AP4M1: variants seen among roughly 807,000 people sequenced by gnomAD.
The protein encoded by AP4M1 is AP-4 complex subunit mu-1.
In AP4M1, 58 loss-of-function variants were observed where a neutral mutation model predicts 62.4. That is an observed-to-expected ratio of 0.93 (90% CI 0.75 to 1.16). The LOEUF (loss-of-function observed/expected upper bound fraction) is 1.16, where lower values mean the gene tolerates loss of function less well. Ranked by LOEUF, AP4M1 falls within the 50% of genes most tolerant of loss-of-function variation. The pLI, the probability that AP4M1 is intolerant of heterozygous loss-of-function variation, is 0.00. For missense variants in AP4M1, 626 were observed against 585.4 expected, an observed-to-expected ratio of 1.07 and a Z score of -0.72; for synonymous variants, 290 against 239.7, an observed-to-expected ratio of 1.21 and a Z score of -1.94.
At chr7:100,101,614 C>G (rs2116611951), upstream of AP4M1, 1 of 1,253,360 alleles carries the variant, frequency 8.0e-7, no homozygotes, top group Non-Finnish European at 1.2e-6. Flanking sequence ...GGAGGAGAAT[C>G]GCTCTTAAAG....
At chr7:100,101,418 A>G (rs1297739408), upstream of AP4M1, 1 of 1,349,974 alleles carries the variant, frequency 7.4e-7, no homozygotes, top group African/African-American at 1.4e-5. Context: ...GTCGCCCCCC[A>G]CGTGACCGGC....
chr7:100,107,904 CCT>C lies in AP4M1; in HGVS notation c.*1023_*1024del. ...GGTAACCCAGGCCCTCCAGATGCTCCCTGTCCCACAGCTCTGCATACCTGCTG... is the reference window on the plus strand; with the variant it reads ...GGTAACCCAGGCCCTCCAGATGCTCCGTCCCACAGCTCTGCATACCTGCTG... On this transcript the variant is annotated 3_prime_UTR_variant, in exon 15 of 15. Coordinates refer to ENST00000359593, the MANE Select transcript of AP4M1 (RefSeq NM_004722.4). 5 of 1,585,514 alleles carry C rather than the reference CCT, an allele frequency of 3.2e-6. No homozygotes were observed. Among genetic ancestry groups the C allele is most frequent in the Non-Finnish European group, 4.3e-6 (5 of 1,162,962 alleles).
intron 11 of AP4M1, 129 bp from the exon 12 acceptor site, chr7:100,105,830 G>A: frequency 1.7e-6 from 2 of 1,155,806 alleles, no homozygotes; most frequent in Non-Finnish European, 2.6e-6. Flanking sequence ...GTTGGGCTGG[G>A]CTTCAGCCCT....
In AP4M1 at chr7:100,102,453, C is replaced by A. The variant is rs1163707220; in HGVS notation, c.148-222C>A. 3 of 610,208 alleles carry A rather than the reference C, an allele frequency of 4.9e-6. No homozygotes were observed. In the African/African-American group the frequency reaches 5.5e-5, roughly 11 times the overall value. 37.8% of individuals were successfully genotyped at this position (610,208 alleles called of 1,614,324 possible). A position where few individuals can be genotyped will look rare whatever the true frequency, so the allele number is the denominator to read the frequency against. On this transcript the variant is annotated intron_variant, in intron 2 of 14. Coordinates refer to ENST00000359593, the MANE Select transcript of AP4M1 (RefSeq NM_004722.4). The stretch of plus-strand genomic sequence containing the variant: ...AATGGGCGCCAGCAACACACCAGGC[C>A]CAGCTCCCTGCGTGACTCCATCCTC...
chr7:100,108,676 G>T lies in AP4M1; in HGVS notation c.*1794G>T. On this transcript the variant is annotated 3_prime_UTR_variant, in exon 15 of 15. Transcript: ENST00000359593. ...CATTCCTTATCATCTCAGTGCCCCT[G>T]TTGAAGGCCAAATTATGCTGAACTA... 1 of 915,266 alleles carries T rather than the reference G, an allele frequency of 1.1e-6. No homozygotes were observed. Among genetic ancestry groups the T allele is most frequent in the Non-Finnish European group, 1.6e-6 (1 of 616,750 alleles). The allele number at this position is 915,266 out of a possible 1,614,324, so 56.7% of individuals were successfully genotyped here. A position where few individuals can be genotyped will look rare whatever the true frequency, so the allele number is the denominator to read the frequency against.
chr7:100,101,476 G>T (rs979024502), upstream of AP4M1: 2 of 837,756 alleles, frequency 2.4e-6, no homozygotes. Context: ...TTCACCTCCC[G>T]CTAGCCGCAA....
chr7:100,107,446 G>C lies in AP4M1; in HGVS notation c.*564G>C. ...CCTCCTTTGCCCTCCCCTGTTGGGG[G>C]AAGTGAGACCACGATGTACTTCTGG... is the stretch of plus-strand genomic sequence containing the variant. On this transcript the variant is annotated 3_prime_UTR_variant, in exon 15 of 15. Transcript: ENST00000359593. 6.2e-7 allele frequency: 1 copy of C among 1,612,654 alleles called. No individual in the cohort carries two copies. The highest frequency in any genetic ancestry group is 1.7e-4 in the Middle Eastern group (1 of 6,052).
chr7:100,104,146 G>C lies in AP4M1; in HGVS notation c.598G>C (p.Ala200Pro), dbSNP rs1485921314. 6.2e-7 allele frequency: 1 copy of C among 1,613,936 alleles called. No homozygotes were observed. The highest frequency in any genetic ancestry group is 1.7e-5 in the Admixed American group (1 of 60,000). ...DVVERLSVLI[A>P]SNGSLLKVDV... ...GGTCGAGAGATTGTCTGTACTGATA[G>C]CATCTAATGTAAGTTTGAGCTCCCA... Residue 200 changes from alanine (A) to proline (P), a missense_variant, in exon 7 of 15, where the codon GCA becomes CCA. Physicochemically the swap from Ala to Pro is conservative, Grantham distance 27. Coordinates refer to ENST00000359593, the MANE Select transcript of AP4M1 (RefSeq NM_004722.4).
At chr7:100,105,367 A>G in intron 10 of AP4M1, 21 bp downstream of exon 10, 1 of 1,613,804 alleles carries the variant, frequency 6.2e-7, no homozygotes, top group Middle Eastern at 1.7e-4. Context: ...GGGTGGCCTC[A>G]TAAATTCCGT....
chr7:100,103,805 G>A, intron 6 of AP4M1, 113 bp downstream of exon 6: 1 of 1,165,988 alleles, frequency 8.6e-7, no homozygotes, highest in Non-Finnish European at 1.3e-6. Flanking sequence ...ACTTTGGGAG[G>A]CCGAGGTGGG....
At chr7:100,101,859 C>T (rs756578498) in intron 1 of AP4M1, 21 bp from the exon 2 acceptor site, 6 of 1,612,694 alleles carry the variant, frequency 3.7e-6, no homozygotes, top group Non-Finnish European at 5.1e-6. Context: ...GGATCCTTCA[C>T]TGAGTCCTTC....
rs749492321 is a variant in AP4M1, at chr7:100,105,084, A to G, written c.713A>G (p.Lys238Arg). 7 of 1,614,062 alleles carry G rather than the reference A, an allele frequency of 4.3e-6. No homozygotes were observed. Among genetic ancestry groups the G allele is most frequent in the Non-Finnish European group, 5.9e-6 (7 of 1,180,046 alleles). Residue 238 changes from lysine to arginine, a missense_variant, in exon 9 of 15, where the codon AAG (lysine) becomes AGG (arginine). Transcript: ENST00000359593. ...IGLTEEFCVG[K>R]SELRGYGPGI... ...TTGACGGAAGAGTTTTGTGTGGGGA[A>G]GTCAGAGCTGAGAGGTGAGGAGAAA... is the stretch of plus-strand genomic sequence containing the variant.
At chr7:100,102,264 G>A (rs1465079750) in intron 2 of AP4M1, 2 of 569,094 alleles carry the variant, frequency 3.5e-6, no homozygotes, top group East Asian at 3.4e-5. Flanking sequence ...GGTGGCGGGC[G>A]CCTGTAATCC....
chr7:100,102,824 T>C (rs373140690), intron 3 of AP4M1, 40 bp from the exon 4 acceptor site: 385 of 1,613,254 alleles, frequency 2.4e-4, no homozygotes, highest in Non-Finnish European at 3.0e-4. Flanking sequence ...AGGAGGGGTC[T>C]GAGAGGAGGA....
chr7:100,102,760 GCCT>G lies in AP4M1; in HGVS notation c.237_239del (p.Leu80del), dbSNP rs746828881. 1 of 1,614,106 alleles carries G rather than the reference GCCT, an allele frequency of 6.2e-7. No individual in the cohort carries two copies. The highest frequency in any genetic ancestry group is 1.1e-5 in the South Asian group (1 of 91,084). Reference sequence around the variant, plus strand: ...ACTTCAGAAAACGTTTCTCCCTTCAGCCTCCTAGAACTGCTCTCCAGGTGAGGA... The same window carrying G: ...ACTTCAGAAAACGTTTCTCCCTTCAGCCTAGAACTGCTCTCCAGGTGAGGA... On this transcript the variant is annotated inframe_deletion, in exon 3 of 15. Coordinates refer to ENST00000359593, the MANE Select transcript of AP4M1 (RefSeq NM_004722.4).
chr7:100,104,189 A>C (rs1415874075), intron 7 of AP4M1, 35 bp downstream of exon 7: 2 of 1,591,434 alleles, frequency 1.3e-6, no homozygotes, highest in South Asian at 2.2e-5. Context: ...AGCTGAGGAC[A>C]GATGGGACTT....
intron 7 of AP4M1, 60 bp from the exon 8 acceptor site, chr7:100,104,814 G>A (rs966922791): frequency 5.7e-5 from 91 of 1,596,558 alleles, no homozygotes; most frequent in Non-Finnish European, 7.6e-5. Context: ...GCGACAGAGC[G>A]AGACCGTCTC....
At position 100,105,111 on chromosome 7, in the gene AP4M1, T is replaced by A; in HGVS notation, c.727+13T>A. On this transcript the variant is annotated intron_variant, in intron 9 of 14. Transcript: ENST00000359593. The stretch of plus-strand genomic sequence containing the variant: ...TCAGAGCTGAGAGGTGAGGAGAAAG[T>A]GGGTCTTTCTCCCCTTGGAGTAGGT... 6.2e-7 allele frequency: 1 copy of A among 1,613,782 alleles called. No individual in the cohort carries two copies.
In AP4M1 at chr7:100,105,335, C is replaced by T. The variant is rs1256392367; in HGVS notation, c.823C>T (p.Pro275Ser). 1 of 1,614,044 alleles carries T rather than the reference C, an allele frequency of 6.2e-7. No individual in the cohort carries two copies. The highest frequency in any genetic ancestry group is 8.5e-7 in the Non-Finnish European group (1 of 1,180,044). ...TCATCGAATCCTCCGCTTGCAACCA[C>T]CTCAGGGCGAGGTCAGGGTTGGGGT... ...ESHRILRLQP[P>S]QGELTVMRYQ... The change falls in exon 10 of 15, where the codon CCT becomes TCT. Residue 275 changes from proline to serine, a missense_variant. Physicochemically the swap from Pro to Ser is moderately conservative, Grantham distance 74 (BLOSUM62 -1). Transcript: ENST00000359593.
Sources: allele counts gnomAD v4.1 joint callset, GRCh38; gene constraint gnomAD v4.1.1; transcripts MANE v1.5; gene names NCBI Gene and HGNC (gene_info 2026-07-23, HGNC 2026-07-21).